The following EPOR variants were observed in gnomAD, a reference collection of about 807,000 sequenced individuals.
EPOR encodes the protein erythropoietin receptor.
Under a neutral mutation model 34.3 loss-of-function variants are expected in EPOR, and 20 were observed. That is an observed-to-expected ratio of 0.58 (90% confidence interval 0.41 to 0.85). The LOEUF is 0.85. Ranked by LOEUF, EPOR falls within the 40% of genes least tolerant of loss-of-function variation. EPOR has a pLI of 0.00. For missense variants in EPOR, 601 were observed against 672.7 expected, an observed-to-expected ratio of 0.89 and a Z score of 1.18; for synonymous variants, 312 against 299.0, an observed-to-expected ratio of 1.04 and a Z score of -0.45.
rs1422817953 is a variant in EPOR at position 11,377,844 on chromosome 19, T to G, written c.*140A>C. On this transcript the variant is annotated 3_prime_UTR_variant, in exon 8 of 8. Transcript: ENST00000222139. ...AAAATACTGCAAGGTTGTGGTTTCC[T>G]GAGCAGGATGGATTGGGCAGACAAA... 1 of 996,358 alleles carries G rather than the reference T, an allele frequency of 1.0e-6. No homozygotes were observed. The highest frequency in any genetic ancestry group is 1.3e-5 in the South Asian group (1 of 78,312). 61.7% of individuals were successfully genotyped at this position (996,358 alleles called of 1,614,324 possible).
chr19:11,377,990 G>A lies in EPOR; in HGVS notation c.1521C>T (p.Cys507=), dbSNP rs765416476. ...TCATCTGCAGCCTGGTGTCCTAAGA[G>A]CAAGCCACATAGCTGGGGGGCAGAG... ...AEPLPPSYVA[C]S The change falls in exon 8 of 8, where the codon TGC becomes TGT. Residue 507 remains cysteine (C), a synonymous_variant. Coordinates refer to ENST00000222139, the MANE Select transcript of EPOR (RefSeq NM_000121.4). 2.5e-6 allele frequency: 4 copies of A among 1,614,068 alleles called. No individual in the cohort carries two copies. In the East Asian group the frequency reaches 6.7e-5, roughly 27 times the overall value.
At position 11,383,219 on chromosome 19, in the gene EPOR, C is replaced by A. The variant is rs754854843; in HGVS notation, c.129G>T (p.Ala43=). ...ACAGAAGCTCTTCGGGCCCCCGGGC[C>A]GCCAGCAAGGCCGCTGGGGAGGGGC... is the stretch of plus-strand genomic sequence containing the variant. ...PKFESKAALL[A]ARGPEELLCF... is the part of the protein sequence containing the mutation. Residue 43 remains alanine, a synonymous_variant, in exon 2 of 8, where the codon GCG becomes GCT. Coordinates refer to ENST00000222139, the MANE Select transcript of EPOR (RefSeq NM_000121.4). The surrounding 1 kb of genome is among the most constrained non-coding windows in gnomAD (Gnocchi z 4.9). The A allele has an allele frequency of 1.9e-6, 3 of 1,600,542 alleles. No homozygotes were observed. In the East Asian group the frequency reaches 6.7e-5, roughly 36 times the overall value.
rs140630699 is a variant in EPOR at position 11,384,262 on chromosome 19, C to T, written c.-55G>A. On this transcript the variant is annotated 5_prime_UTR_variant, in exon 1 of 8. Coordinates refer to ENST00000222139, the MANE Select transcript of EPOR (RefSeq NM_000121.4). ...GCTCCTGCCCCTCCGTCCCCCGCCCCCGGCACAGTCCACAGCTGGGTCAGC... is the reference window on the plus strand; with the variant it reads ...GCTCCTGCCCCTCCGTCCCCCGCCCTCGGCACAGTCCACAGCTGGGTCAGC... 7.8e-4 allele frequency: 934 copies of T among 1,200,868 alleles called. 6 individuals are homozygous for T. The African/African-American group carries it at 0.011, about 14-fold the overall frequency. 74.4% of individuals were successfully genotyped at this position (1,200,868 alleles called of 1,614,324 possible). A position where few individuals can be genotyped will look rare whatever the true frequency, so the allele number is the denominator to read the frequency against.
intron 6 of EPOR, among the ~76,000 whole-genome samples, chr19:11,380,274 G>A (rs1968338163): frequency 6.6e-6 from 1 of 152,222 alleles, no homozygotes; most frequent in South Asian, 2.1e-4. Flanking sequence ...CACAAGGTCA[G>A]GGACTTGTGG....
intron 2 of EPOR, chr19:11,382,861 CGTT>C (rs1236180625): frequency 1.3e-6 from 2 of 1,506,632 alleles, no homozygotes; most frequent in South Asian, 1.2e-5. Context: ...GATTTGGAGG[CGTT>C]GTTATCCCAG....
Position 11,384,258 on chromosome 19 carries a change from GC to G in EPOR, c.-52del. On this transcript the variant is annotated 5_prime_UTR_variant, in exon 1 of 8. Coordinates refer to ENST00000222139, the MANE Select transcript of EPOR (RefSeq NM_000121.4). ...CAGGGCTCCTGCCCCTCCGTCCCCC[GC>G]CCCCGGCACAGTCCACAGCTGGGTC... is the stretch of plus-strand genomic sequence containing the variant. 1 of 1,254,868 alleles carries G rather than the reference GC, an allele frequency of 8.0e-7. No individual in the cohort carries two copies. The highest frequency in any genetic ancestry group is 1.1e-6 in the Non-Finnish European group (1 of 889,954). The allele number at this position is 1,254,868 out of a possible 1,614,324, so 77.7% of individuals were successfully genotyped here. A position where few individuals can be genotyped will look rare whatever the true frequency, so the allele number is the denominator to read the frequency against.
rs1206410452 is a variant in EPOR at position 11,381,832 on chromosome 19, C to T, written c.445G>A (p.Val149Met). The T allele has an allele frequency of 1.2e-6, 2 of 1,613,998 alleles. No individual in the cohort carries two copies. The highest frequency in any genetic ancestry group is 2.2e-5 in the South Asian group (2 of 91,090). Residue 149 changes from valine to methionine, a missense_variant, in exon 4 of 8, where the codon GTG (valine) becomes ATG (methionine). Physicochemically the swap from Val to Met is conservative, Grantham distance 21. Transcript: ENST00000222139. The surrounding 1 kb of genome is among the most constrained non-coding windows in gnomAD (Gnocchi z 5.3). Reference sequence around the variant, plus strand: ...TCAGCCAACCGCGCCACCAGCCCCACGGGGGCGTCTAGGAGCACTGCAGGC... The same window carrying T: ...TCAGCCAACCGCGCCACCAGCCCCATGGGGGCGTCTAGGAGCACTGCAGGC... ...INEVVLLDAP[V>M]GLVARLADES...
At position 11,383,021 on chromosome 19, in the gene EPOR, C is replaced by T. The variant is rs745829572; in HGVS notation, c.251+76G>A. 3 of 1,607,790 alleles carry T rather than the reference C, an allele frequency of 1.9e-6. No homozygotes were observed. The highest frequency in any genetic ancestry group is 2.5e-6 in the Non-Finnish European group (3 of 1,179,418). On this transcript the variant is annotated intron_variant, in intron 2 of 7. Transcript: ENST00000222139. This position sits in a 1 kb window ranked among gnomAD's most constrained non-coding sequence, Gnocchi z 4.9. ...CGGGCCTCAAACAGCAGGGGACATA[C>T]GAGGCTACGACCTCCAGGGAGCTCT...
Position 11,377,607 on chromosome 19 carries a change from G to A in EPOR, c.*377C>T. The A allele has an allele frequency of 2.2e-6, 1 of 464,480 alleles. No individual in the cohort carries two copies. Among genetic ancestry groups the A allele is most frequent in the Non-Finnish European group, 4.3e-6 (1 of 234,262 alleles). The allele number at this position is 464,480 out of a possible 1,614,324, so 28.8% of individuals were successfully genotyped here. A position where few individuals can be genotyped will look rare whatever the true frequency, so the allele number is the denominator to read the frequency against. On this transcript the variant is annotated 3_prime_UTR_variant, in exon 8 of 8. Coordinates refer to ENST00000222139, the MANE Select transcript of EPOR (RefSeq NM_000121.4). ...TGTGGTAAGCCAGTAAGATTTAAGA[G>A]CTGTTTAACATACTATTTTGTTATG...
Position 11,378,409 on chromosome 19 carries a change from A to G in EPOR, c.1102T>C (p.Tyr368His). Residue 368 changes from tyrosine to histidine, a missense_variant, in exon 8 of 8, where the codon TAT (tyrosine) becomes CAT (histidine). Coordinates refer to ENST00000222139, the MANE Select transcript of EPOR (RefSeq NM_000121.4). This position sits in a 1 kb window ranked among gnomAD's most constrained non-coding sequence, Gnocchi z 5.3. ...PVGSEHAQDT[Y>H]LVLDKWLLPR... Reference sequence around the variant, plus strand: ...AGCAACCATTTGTCCAGCACCAGATAGGTATCCTGGGCATGCTCACTGCCC... The same window carrying G: ...AGCAACCATTTGTCCAGCACCAGATGGGTATCCTGGGCATGCTCACTGCCC... The G allele has an allele frequency of 6.2e-7, 1 of 1,613,924 alleles. No homozygotes were observed. Among genetic ancestry groups the G allele is most frequent in the Non-Finnish European group, 8.5e-7 (1 of 1,180,022 alleles).
chr19:11,380,794 G>A (rs1968344016), intron 6 of EPOR, 90 bp downstream of exon 6: 30 of 1,070,704 alleles, frequency 2.8e-5, no homozygotes, highest in Non-Finnish European at 4.2e-5. Flanking sequence ...TTGGGCAAGT[G>A]CGTGTCTCTC....
chr19:11,380,097 C>A (rs975967105), intron 6 of EPOR, among the ~76,000 whole-genome samples: 6 of 152,252 alleles, frequency 3.9e-5, no homozygotes, highest in Non-Finnish European at 8.8e-5. Flanking sequence ...ACTTTTCAAG[C>A]GGCTGCTTCC....
chr19:11,377,886 C>T lies in EPOR; in HGVS notation c.*98G>A, dbSNP rs1344968928. The stretch of plus-strand genomic sequence containing the variant: ...GCAGACAAAATCAGCAATGCCCCTG[C>T]TCCTGAGAGAGGCCTCGCCATCCCT... On this transcript the variant is annotated 3_prime_UTR_variant, in exon 8 of 8. Transcript: ENST00000222139. 5.4e-6 allele frequency: 8 copies of T among 1,483,050 alleles called. No individual in the cohort carries two copies. Among genetic ancestry groups the T allele is most frequent in the Non-Finnish European group, 7.5e-6 (8 of 1,066,076 alleles). 91.9% of individuals were successfully genotyped at this position (1,483,050 alleles called of 1,614,324 possible).
Position 11,384,086 on chromosome 19 carries a change from T to A in EPOR, c.115+7A>T. The A allele has an allele frequency of 6.5e-7, 1 of 1,537,996 alleles. No homozygotes were observed. The highest frequency in any genetic ancestry group is 8.8e-7 in the Non-Finnish European group (1 of 1,134,926). On this transcript the variant is annotated splice_region_variant and intron_variant, in intron 1 of 7. Coordinates refer to ENST00000222139, the MANE Select transcript of EPOR (RefSeq NM_000121.4). ...AGCGTAGGGGTCCACACGCAGCTCA[T>A]CCTTACCTTTGCTCTCGAACTTGGG... is the stretch of plus-strand genomic sequence containing the variant.
At chr19:11,379,429 A>G (rs1056935185) in intron 6 of EPOR, among the ~76,000 whole-genome samples, 2 of 152,044 alleles carry the variant, frequency 1.3e-5, no homozygotes, top group Non-Finnish European at 1.5e-5. Context: ...TAAAACTACA[A>G]AATTAGCCGG....
chr19:11,381,222 T>G lies in EPOR; in HGVS notation c.586-13A>C. On this transcript the variant is annotated splice_polypyrimidine_tract_variant and intron_variant, in intron 4 of 7. Transcript: ENST00000222139. The surrounding 1 kb of genome is among the most constrained non-coding windows in gnomAD (Gnocchi z 5.3). ...CCAGGATCTCCACCTGGGGGCGGAA[T>G]CAGGGCGAGGGACGCGTAGCAGACA... is the stretch of plus-strand genomic sequence containing the variant. 2 of 1,548,760 alleles carry G rather than the reference T, an allele frequency of 1.3e-6. No individual in the cohort carries two copies. Among genetic ancestry groups the G allele is most frequent in the African/African-American group, 2.7e-5 (2 of 73,050 alleles).
Position 11,381,619 on chromosome 19 carries a change from C to G in EPOR, c.585+73G>C. The G allele has an allele frequency of 1.3e-6, 2 of 1,496,348 alleles. No homozygotes were observed. Among genetic ancestry groups the G allele is most frequent in the Non-Finnish European group, 1.8e-6 (2 of 1,105,748 alleles). 92.7% of individuals were successfully genotyped at this position (1,496,348 alleles called of 1,614,324 possible). ...GACCGGCCCTGAAAGCGGCACCGGG[C>G]GCGACCTCGAGAGGCGTGGCTGGGC... On this transcript the variant is annotated intron_variant, in intron 4 of 7. Coordinates refer to ENST00000222139, the MANE Select transcript of EPOR (RefSeq NM_000121.4). The surrounding 1 kb of genome is among the most constrained non-coding windows in gnomAD (Gnocchi z 5.3).
At chr19:11,380,160 T>C (rs1650984956) in intron 6 of EPOR, among the ~76,000 whole-genome samples, 1 of 152,240 alleles carries the variant, frequency 6.6e-6, no homozygotes. Context: ...AGGCCTTCCC[T>C]GACCATCCTG....
At position 11,382,792 on chromosome 19, in the gene EPOR, C is replaced by G. The variant is rs1466821221; in HGVS notation, c.251+305G>C. 6 of 1,354,862 alleles carry G rather than the reference C, an allele frequency of 4.4e-6. No homozygotes were observed. The Admixed American group carries it at 1.2e-4, about 27-fold the overall frequency. The allele number at this position is 1,354,862 out of a possible 1,614,324, so 83.9% of individuals were successfully genotyped here. A position where few individuals can be genotyped will look rare whatever the true frequency, so the allele number is the denominator to read the frequency against. The stretch of plus-strand genomic sequence containing the variant: ...TACAGGCATGAGCCACTGCTGGCCT[C>G]CTTTTGGATACTACCTCGAGAAGGC... On this transcript the variant is annotated intron_variant, in intron 2 of 7. Coordinates refer to ENST00000222139, the MANE Select transcript of EPOR (RefSeq NM_000121.4).
Sources: allele counts gnomAD v4.1 joint callset (sites outside exome capture counted in the v4.1 genomes callset), GRCh38; gene constraint gnomAD v4.1.1; non-coding constraint Gnocchi (gnomAD v3.1); transcripts MANE v1.5; gene names NCBI Gene and HGNC (gene_info 2026-07-23, HGNC 2026-07-21).